The following PLS3 variants were observed in gnomAD, a reference collection of about 807,000 sequenced individuals.
PLS3 encodes the protein plastin-3.
In PLS3, 11 loss-of-function variants were observed where a neutral mutation model predicts 46.5. That is an observed-to-expected ratio of 0.24 (90% confidence interval 0.15 to 0.39). The LOEUF (loss-of-function observed/expected upper bound fraction) is 0.39. PLS3 is among the 10% of genes least tolerant of loss of function. PLS3 has a pLI of 1.00. For synonymous variants in PLS3, 167 were observed against 162.2 expected, an observed-to-expected ratio of 1.03 and a Z score of -0.22; for missense variants, 308 against 461.8, an observed-to-expected ratio of 0.67 and a Z score of 3.05.
intron 1 of PLS3, among the ~76,000 whole-genome samples, chrX:115,564,518 A>G (rs1468058216): frequency 8.9e-6 from 1 of 112,471 alleles, no homozygotes; most frequent in Non-Finnish European, 1.9e-5. Context: ...CTGTTACTGA[A>G]AATAAAAGGG....
chrX:115,650,376 T>A lies in PLS3; in HGVS notation c.*815T>A, dbSNP rs781883023. 1 of 112,163 alleles carries A rather than the reference T, an allele frequency of 8.9e-6. No homozygotes were observed. The highest frequency in any genetic ancestry group is 2.8e-4 in the East Asian group (1 of 3,553). The allele number at this position is 112,163 out of a possible 1,213,427, so 9.2% of individuals were successfully genotyped here. A position where few individuals can be genotyped will look rare whatever the true frequency, so the allele number is the denominator to read the frequency against. On this transcript the variant is annotated 3_prime_UTR_variant, in exon 16 of 16. Transcript: ENST00000355899. The stretch of plus-strand genomic sequence containing the variant: ...TGTTTTAAAACCTGTATCATCAAAC[T>A]CTCTCTCTAAATTTAAAATGCTGTT...
At chrX:115,585,912 G>A (rs184281250) in intron 1 of PLS3, among the ~76,000 whole-genome samples, 1 of 111,137 alleles carries the variant, frequency 9.0e-6, no homozygotes, top group East Asian at 2.8e-4. Context: ...ATTTCATATG[G>A]AGTTTTACTT....
chrX:115,645,801 T>C lies in PLS3; in HGVS notation c.1263-271T>C, dbSNP rs111301889. On this transcript the variant is annotated intron_variant, in intron 11 of 15. Coordinates refer to ENST00000355899, the MANE Select transcript of PLS3 (RefSeq NM_005032.7). ...TATCCATGTACTTGTTTATTGTCTA[T>C]CTCTCTGACTCTAATGCAAGGACAG... Among the ~76,000 whole-genome samples, 2,544 of 111,619 alleles carry C rather than the reference T, an allele frequency of 0.023. 72 individuals carry two copies. Among genetic ancestry groups the C allele is most frequent in the African/African-American group, 0.077 (2,372 of 30,708 alleles).
At chrX:115,634,757 T>G (rs2074812912) in intron 6 of PLS3, 124 bp from the exon 7 acceptor site, 7 of 653,063 alleles carry the variant, frequency 1.1e-5, no homozygotes, top group Non-Finnish European at 1.6e-5. Context: ...GTGACACATA[T>G]ATGGATGAAA....
intron 1 of PLS3, among the ~76,000 whole-genome samples, chrX:115,600,197 C>T (rs1382824213): frequency 2.7e-5 from 3 of 111,176 alleles, no homozygotes; most frequent in Non-Finnish European, 5.6e-5. Flanking sequence ...CCATAGCTCA[C>T]TGCAGCCTCA....
intron 1 of PLS3, among the ~76,000 whole-genome samples, chrX:115,604,769 G>C (rs1556635063): frequency 9.0e-6 from 1 of 111,071 alleles, no homozygotes; most frequent in Non-Finnish European, 1.9e-5. Flanking sequence ...CCCATGAAGA[G>C]GAATAGAGCT....
chrX:115,564,228 C>T (rs2074158006), intron 1 of PLS3, among the ~76,000 whole-genome samples: 1 of 111,994 alleles, frequency 8.9e-6, no homozygotes, highest in Admixed American at 9.6e-5. Flanking sequence ...ATAAATAACA[C>T]TTTGCCTTGA....
intron 1 of PLS3, among the ~76,000 whole-genome samples, chrX:115,565,524 C>A (rs1447273150): frequency 9.0e-6 from 1 of 111,438 alleles, no homozygotes; most frequent in Non-Finnish European, 1.9e-5. Flanking sequence ...ATATTAATAA[C>A]TAATTGAGTA....
At chrX:115,607,969 AAGG>A (rs1556635599) in intron 1 of PLS3, among the ~76,000 whole-genome samples, 1 of 111,999 alleles carries the variant, frequency 8.9e-6, no homozygotes, top group African/African-American at 3.2e-5. Context: ...ATAGGAAAAA[AAGG>A]AGATTAGAAT....
Position 115,639,515 on chromosome X carries a change from G to A in PLS3, c.892-893G>A, listed in dbSNP as rs782492128. On this transcript the variant is annotated intron_variant, in intron 8 of 15. Transcript: ENST00000355899. ...GGGTTAGTATGCACATAGACTATGAGAAACACTCCTTCATAGCCTGTCTGG... is the reference window on the plus strand; with the variant it reads ...GGGTTAGTATGCACATAGACTATGAAAAACACTCCTTCATAGCCTGTCTGG... Among the ~76,000 whole-genome samples, 464 of 111,658 alleles carry A rather than the reference G, an allele frequency of 4.2e-3. 6 individuals are homozygous for A. The highest frequency in any genetic ancestry group is 0.015 in the African/African-American group (455 of 30,810).
intron 7 of PLS3, among the ~76,000 whole-genome samples, chrX:115,635,753 G>C (rs1442572984): frequency 9.1e-6 from 1 of 109,793 alleles, no homozygotes; most frequent in Non-Finnish European, 1.9e-5. Flanking sequence ...ACTTTGGGAG[G>C]CCGAGACAGG....
chrX:115,641,933 C>G (rs1047059732), intron 9 of PLS3, among the ~76,000 whole-genome samples: 1 of 110,338 alleles, frequency 9.1e-6, no homozygotes, highest in South Asian at 3.9e-4. Context: ...TCTGTGTTCC[C>G]CACCCCAACC....
intron 12 of PLS3, 68 bp from the exon 13 acceptor site, chrX:115,646,334 G>GAC (rs1284622508): frequency 1.0e-5 from 11 of 1,070,547 alleles, no homozygotes; most frequent in Non-Finnish European, 1.3e-5. Context: ...CATTATACAA[G>GAC]ACACACACAC....
rs782105903 is a variant in PLS3 at position 115,561,993 on chromosome X, G to A, written c.-9+733G>A. Among the ~76,000 whole-genome samples the A allele has an allele frequency of 3.3e-3, 361 of 110,625 alleles. 1 individual carries two copies. The highest frequency in any genetic ancestry group is 0.011 in the African/African-American group (344 of 30,407). ...GACAGTACCTTTCCGTTCTCCCCTG[G>A]CCCCACACCCCCTGTCCTTTTTTCA... On this transcript the variant is annotated intron_variant, in intron 1 of 15. Transcript: ENST00000355899.
At chrX:115,647,130 C>A (rs1162656377) in intron 13 of PLS3, among the ~76,000 whole-genome samples, 1 of 111,225 alleles carries the variant, frequency 9.0e-6, no homozygotes, top group African/African-American at 3.3e-5. Context: ...AATCTTTAGT[C>A]CTTGAAATTT....
At chrX:115,598,362 C>T (rs1264579998) in intron 1 of PLS3, among the ~76,000 whole-genome samples, 2 of 109,480 alleles carry the variant, frequency 1.8e-5, no homozygotes, top group Non-Finnish European at 3.8e-5. Context: ...AATTAATGCA[C>T]AGTAAAACAC....
chrX:115,564,097 G>A (rs782011465), intron 1 of PLS3, among the ~76,000 whole-genome samples: 2 of 110,953 alleles, frequency 1.8e-5, no homozygotes, highest in South Asian at 7.7e-4. Flanking sequence ...TTTTTTGGTG[G>A]TATGATCTAA....
At chrX:115,595,861 G>C (rs782400471) in intron 1 of PLS3, among the ~76,000 whole-genome samples, 3 of 108,617 alleles carry the variant, frequency 2.8e-5, no homozygotes, top group Admixed American at 9.9e-5. Context: ...GCTAATTTTT[G>C]TGTTTTTAGT....
rs781851612 is a variant in PLS3 at position 115,590,209 on chromosome X, CA to C, written c.-8-20033del. Among the ~76,000 whole-genome samples the C allele has an allele frequency of 3.6e-5, 4 of 111,484 alleles. No homozygotes were observed. The South Asian group carries it at 1.5e-3, about 43-fold the overall frequency. On this transcript the variant is annotated intron_variant, in intron 1 of 15. Transcript: ENST00000355899. ...TGTTTGTAACATCTAGAGAGAGTGA[CA>C]GTGAGAATTTGGTTTCCGTCGGCTT... is the stretch of plus-strand genomic sequence containing the variant.
Sources: gnomAD v4.1 joint callset for allele counts (sites outside exome capture counted in the v4.1 genomes callset) on GRCh38, gnomAD v4.1.1 for gene constraint, MANE v1.5 for transcripts, NCBI Gene and HGNC (gene_info 2026-07-23, HGNC 2026-07-21) for gene names.